The following LRRC75A variants were observed in gnomAD, a reference collection of about 807,000 sequenced individuals.
The protein encoded by LRRC75A is leucine-rich repeat-containing protein 75A.
In LRRC75A, 12 loss-of-function variants were observed where a neutral mutation model predicts 26.0. The observed-to-expected ratio is 0.46, with a 90% CI of 0.30 to 0.75. The LOEUF (loss-of-function observed/expected upper bound fraction) is 0.75, where lower values mean the gene tolerates loss of function less well. LRRC75A is among the 30% of genes least tolerant of loss of function. The pLI is 0.08. For synonymous variants in LRRC75A, 223 were observed against 219.3 expected (o/e 1.02, Z -0.15); for missense variants, 410 against 486.6 (o/e 0.84, Z 1.48).
At chr17:16,472,912 G>A (rs957631938) in intron 1 of LRRC75A, among the ~76,000 whole-genome samples, 1 of 152,066 alleles carries the variant, frequency 6.6e-6, no homozygotes, top group African/African-American at 2.4e-5. Context: ...AAGAACACTG[G>A]TTATGTTAAA....
Position 16,462,517 on chromosome 17 carries a change from A to C in LRRC75A, c.247-131T>G. 8.1e-7 allele frequency: 1 copy of C among 1,230,796 alleles called. No individual in the cohort carries two copies. Among genetic ancestry groups the C allele is most frequent in the Non-Finnish European group, 1.1e-6 (1 of 894,828 alleles). The allele number at this position is 1,230,796 out of a possible 1,614,324, so 76.2% of individuals were successfully genotyped here. A position where few individuals can be genotyped will look rare whatever the true frequency, so the allele number is the denominator to read the frequency against. ...CAGAGCCCCGGTGGGGAGCATCTGC[A>C]GAACTTCCCTCAGGGGCTGGGGCAG... On this transcript the variant is annotated intron_variant, in intron 1 of 3. Transcript: ENST00000470794. This position sits in a 1 kb window ranked among gnomAD's most constrained non-coding sequence, Gnocchi z 4.6.
intron 2 of LRRC75A, among the ~76,000 whole-genome samples, chr17:16,460,607 G>A (rs1216037751): frequency 1.3e-5 from 2 of 152,234 alleles, no homozygotes; most frequent in Non-Finnish European, 2.9e-5. Context: ...CCACCGGCCT[G>A]TGTCCCGCCC....
chr17:16,478,698 C>T (rs2093826797), intron 1 of LRRC75A: 1 of 152,230 alleles, frequency 6.6e-6, no homozygotes, highest in Non-Finnish European at 1.5e-5. Context: ...TCTTTCGTGT[C>T]TGAGTTTCCA....
At chr17:16,482,934 G>T (rs900120280) in intron 1 of LRRC75A, among the ~76,000 whole-genome samples, 1 of 152,220 alleles carries the variant, frequency 6.6e-6, no homozygotes, top group Non-Finnish European at 1.5e-5. Context: ...CCTGAAGCTC[G>T]GCTGGGGCTG....
intron 2 of LRRC75A, among the ~76,000 whole-genome samples, chr17:16,453,348 G>GCACACACA (rs147019550): frequency 6.9e-6 from 1 of 145,818 alleles, no homozygotes; most frequent in Non-Finnish European, 1.5e-5. Context: ...ACACGCACAC[G>GCACACACA]CACACACACA....
intron 1 of LRRC75A, among the ~76,000 whole-genome samples, chr17:16,469,150 T>C (rs981582139): frequency 1.3e-5 from 2 of 152,236 alleles, no homozygotes; most frequent in African/African-American, 4.8e-5. Context: ...CTGTGCATGA[T>C]ACACTTTCAT....
chr17:16,490,368 A>G (rs1297496898), intron 1 of LRRC75A, among the ~76,000 whole-genome samples: 1 of 152,240 alleles, frequency 6.6e-6, no homozygotes, highest in Non-Finnish European at 1.5e-5. Flanking sequence ...TTCAAAAGAC[A>G]AAGAAATACA....
chr17:16,492,154 G>C lies in LRRC75A; in HGVS notation c.-164C>G. The C allele has an allele frequency of 2.6e-6, 1 of 390,614 alleles. No individual in the cohort carries two copies. The highest frequency in any genetic ancestry group is 1.3e-3 in the Middle Eastern group (1 of 788). 24.2% of individuals were successfully genotyped at this position (390,614 alleles called of 1,614,324 possible). A position where few individuals can be genotyped will look rare whatever the true frequency, so the allele number is the denominator to read the frequency against. On this transcript the variant is annotated 5_prime_UTR_variant, in exon 1 of 4. Transcript: ENST00000470794. ...GGCGGGCGGGCGGGCGGCTGTCGGC[G>C]CTCCCCGCGCTCCTCCCTCTTGGCT...
intron 3 of LRRC75A, among the ~76,000 whole-genome samples, chr17:16,447,632 A>G (rs1346741319): frequency 2.0e-5 from 3 of 152,126 alleles, no homozygotes; most frequent in Non-Finnish European, 2.9e-5. Flanking sequence ...ACCAGGAATT[A>G]GAAATTTCTC....
chr17:16,474,618 G>T (rs1459371628), intron 1 of LRRC75A, among the ~76,000 whole-genome samples: 1 of 151,932 alleles, frequency 6.6e-6, no homozygotes, highest in African/African-American at 2.4e-5. Flanking sequence ...ATCTGAATCG[G>T]TTGTTTATAC....
intron 1 of LRRC75A, among the ~76,000 whole-genome samples, chr17:16,484,640 G>T (rs969653792): frequency 1.3e-5 from 2 of 152,166 alleles, no homozygotes; most frequent in Non-Finnish European, 2.9e-5. Flanking sequence ...ACAAGAGTCT[G>T]CTTCTCACCC....
Position 16,462,420 on chromosome 17 carries a change from T to C in LRRC75A, c.247-34A>G. 6.2e-7 allele frequency: 1 copy of C among 1,612,338 alleles called. No individual in the cohort carries two copies. The highest frequency in any genetic ancestry group is 8.5e-7 in the Non-Finnish European group (1 of 1,179,624). The stretch of plus-strand genomic sequence containing the variant: ...GCAAAGGATGCCCAGAGGTCAGGGC[T>C]GGCTGCCCACCCAGCTCGCCCACCA... On this transcript the variant is annotated intron_variant, in intron 1 of 3. Transcript: ENST00000470794. The surrounding 1 kb of genome is among the most constrained non-coding windows in gnomAD (Gnocchi z 4.6).
rs746127037 is a variant in LRRC75A at position 16,443,754 on chromosome 17, G to A, written c.869C>T (p.Pro290Leu). Residue 290 changes from proline to leucine, a missense_variant, in exon 4 of 4, where the codon CCA (proline) becomes CTA (leucine). Coordinates refer to ENST00000470794, the MANE Select transcript of LRRC75A (RefSeq NM_001113567.3). ...GATGGTGGGTAGGTGGCCCTGCTTT[G>A]GGGAGCGCTTGCGCAGGCTGAGCAG... Reference protein sequence around the residue: ...PFLLSLRKRSPKQGHLPTILE... With the variant: ...PFLLSLRKRSLKQGHLPTILE... 4 of 1,613,782 alleles carry A rather than the reference G, an allele frequency of 2.5e-6. No homozygotes were observed. Among genetic ancestry groups the A allele is most frequent in the Non-Finnish European group, 3.4e-6 (4 of 1,179,806 alleles).
intron 2 of LRRC75A, among the ~76,000 whole-genome samples, chr17:16,449,510 C>T (rs2093613764): frequency 6.6e-6 from 1 of 152,224 alleles, no homozygotes; most frequent in South Asian, 2.1e-4. Flanking sequence ...TCCAGGCACA[C>T]TCTAAGTGAA....
chr17:16,479,717 C>T (rs1300745845), intron 1 of LRRC75A, among the ~76,000 whole-genome samples: 1 of 152,224 alleles, frequency 6.6e-6, no homozygotes, highest in East Asian at 1.9e-4. Flanking sequence ...AACATGGAGG[C>T]AGCGAGCTCA....
At chr17:16,490,027 T>C (rs973262657) in intron 1 of LRRC75A, among the ~76,000 whole-genome samples, 1 of 152,210 alleles carries the variant, frequency 6.6e-6, no homozygotes, top group Non-Finnish European at 1.5e-5. Flanking sequence ...AGAAGCTCAG[T>C]GTCCCCAGGA....
chr17:16,472,738 C>T (rs1053047075), intron 1 of LRRC75A, among the ~76,000 whole-genome samples: 6 of 152,152 alleles, frequency 3.9e-5, no homozygotes, highest in Admixed American at 1.3e-4. Context: ...TGATTTTAAG[C>T]TTATGATTTT....
chr17:16,476,878 A>G (rs2093821377), intron 1 of LRRC75A, among the ~76,000 whole-genome samples: 1 of 151,688 alleles, frequency 6.6e-6, no homozygotes, highest in Admixed American at 6.6e-5. Context: ...AGCTGGGACC[A>G]CAGGCGCCCA....
chr17:16,449,836 T>A (rs1049563101), intron 2 of LRRC75A, among the ~76,000 whole-genome samples: 1 of 152,090 alleles, frequency 6.6e-6, no homozygotes, highest in African/African-American at 2.4e-5. Context: ...AGGCTGGTCT[T>A]GAACTCCTGA....
Sources: allele counts gnomAD v4.1 joint callset (sites outside exome capture counted in the v4.1 genomes callset), GRCh38; gene constraint gnomAD v4.1.1; non-coding constraint Gnocchi (gnomAD v3.1); transcripts MANE v1.5; gene names NCBI Gene and HGNC (gene_info 2026-07-23, HGNC 2026-07-21).